The following TMTC1 variants were observed in gnomAD, a reference collection of about 807,000 sequenced individuals.
The protein encoded by TMTC1 is transmembrane O-mannosyltransferase targeting cadherins 1, also known as protein O-mannosyl-transferase TMTC1.
In TMTC1, 73 loss-of-function variants were observed where a neutral mutation model predicts 104.8. The observed-to-expected ratio is 0.70, with a 90% confidence interval of 0.58 to 0.85. TMTC1 has a LOEUF of 0.85. TMTC1 is among the 40% of genes least tolerant of loss of function. The pLI is 0.00. For missense variants in TMTC1, 1,035 were observed against 1,096.1 expected (o/e 0.94, Z 0.79); for synonymous variants, 434 against 428.7 (o/e 1.01, Z -0.15).
At chr12:29,509,693 T>C (rs1282823797) in intron 17 of TMTC1, among the ~76,000 whole-genome samples, 2 of 152,276 alleles carry the variant, frequency 1.3e-5, no homozygotes, top group Non-Finnish European at 2.9e-5. Context: ...TTGACCACTT[T>C]AAAACTGCAA....
intron 5 of TMTC1, among the ~76,000 whole-genome samples, chr12:29,642,131 GGAA>G (rs1454861337): frequency 6.6e-6 from 1 of 152,110 alleles, no homozygotes. Flanking sequence ...GTGTTCCTGA[GGAA>G]GAAGAGGATT....
chr12:29,540,210 C>T (rs750430647), intron 10 of TMTC1, among the ~76,000 whole-genome samples: 3 of 152,158 alleles, frequency 2.0e-5, no homozygotes, highest in South Asian at 4.1e-4. Flanking sequence ...GTCCATCTAA[C>T]AGTGAATGTG....
intron 7 of TMTC1, among the ~76,000 whole-genome samples, chr12:29,596,397 C>G (rs1050367072): frequency 5.9e-5 from 9 of 152,206 alleles, no homozygotes; most frequent in African/African-American, 2.2e-4. Flanking sequence ...TCTTTGTCTT[C>G]AGATCACATG....
intron 9 of TMTC1, among the ~76,000 whole-genome samples, chr12:29,559,292 G>A (rs992997251): frequency 1.3e-5 from 2 of 152,156 alleles, no homozygotes; most frequent in African/African-American, 4.8e-5. Flanking sequence ...ACCCATGTAA[G>A]GTGCCTGTTT....
intron 6 of TMTC1, among the ~76,000 whole-genome samples, chr12:29,604,717 C>A (rs544793586): frequency 2.6e-5 from 4 of 152,242 alleles, no homozygotes; most frequent in Non-Finnish European, 5.9e-5. Flanking sequence ...TATATCTTCC[C>A]AAAATATAAT....
chr12:29,720,163 G>A (rs779771308), intron 5 of TMTC1, among the ~76,000 whole-genome samples: 1 of 152,164 alleles, frequency 6.6e-6, no homozygotes, highest in African/African-American at 2.4e-5. Context: ...TTCATGTGTC[G>A]TGCTAGGAAA....
intron 6 of TMTC1, among the ~76,000 whole-genome samples, chr12:29,622,399 C>CTAATA (rs1319337775): frequency 5.3e-5 from 8 of 152,152 alleles, no homozygotes; most frequent in Non-Finnish European, 8.8e-5. Context: ...ATAGGACTGA[C>CTAATA]TAATAGTATT....
intron 9 of TMTC1, among the ~76,000 whole-genome samples, chr12:29,566,675 G>A (rs1484188624): frequency 6.6e-6 from 1 of 152,170 alleles, no homozygotes; most frequent in Non-Finnish European, 1.5e-5. Context: ...GAGGGAGGTG[G>A]TCAGATTCTG....
At chr12:29,573,775 G>C (rs1047120706) in intron 8 of TMTC1, among the ~76,000 whole-genome samples, 8 of 152,110 alleles carry the variant, frequency 5.3e-5, no homozygotes, top group African/African-American at 1.9e-4. Flanking sequence ...ATCATGCTAA[G>C]TCTTAGCGTG....
At chr12:29,621,963 C>T (rs1937696810) in intron 6 of TMTC1, among the ~76,000 whole-genome samples, 1 of 152,070 alleles carries the variant, frequency 6.6e-6, no homozygotes, top group Non-Finnish European at 1.5e-5. Flanking sequence ...GAAAATTTGG[C>T]TTGTTTTCTG....
chr12:29,740,822 A>T (rs997426173), intron 5 of TMTC1, among the ~76,000 whole-genome samples: 1 of 152,188 alleles, frequency 6.6e-6, no homozygotes, highest in Non-Finnish European at 1.5e-5. Context: ...TAATTTTTTT[A>T]AAAGCGACAG....
At chr12:29,765,361 C>T (rs955213536) in intron 2 of TMTC1, among the ~76,000 whole-genome samples, 2 of 152,120 alleles carry the variant, frequency 1.3e-5, no homozygotes, top group Admixed American at 1.3e-4. Flanking sequence ...TGAAGCTCAT[C>T]ATCTTCCATT....
At chr12:29,755,032 C>T (rs1473572027) in intron 4 of TMTC1, among the ~76,000 whole-genome samples, 1 of 152,074 alleles carries the variant, frequency 6.6e-6, no homozygotes, top group Non-Finnish European at 1.5e-5. Context: ...TGTAAAATTA[C>T]TGGTAATTAT....
At chr12:29,596,937 C>A (rs1321139664) in intron 7 of TMTC1, among the ~76,000 whole-genome samples, 1 of 152,232 alleles carries the variant, frequency 6.6e-6, no homozygotes, top group Non-Finnish European at 1.5e-5. Context: ...GCACCACTCA[C>A]CCTCTGGGAC....
intron 5 of TMTC1, among the ~76,000 whole-genome samples, chr12:29,642,691 C>T (rs1374766040): frequency 2.6e-5 from 4 of 151,860 alleles, no homozygotes; most frequent in African/African-American, 9.7e-5. Context: ...TTTGGGAGGC[C>T]GAGGTGGGTG....
chr12:29,578,367 C>T (rs1310133594), intron 8 of TMTC1, among the ~76,000 whole-genome samples: 1 of 152,148 alleles, frequency 6.6e-6, no homozygotes, highest in African/African-American at 2.4e-5. Flanking sequence ...AAAGGCAACA[C>T]TTTCCCTGGA....
chr12:29,511,815 C>A lies in TMTC1; in HGVS notation c.2508+228G>T, dbSNP rs543036841. 5.9e-5 allele frequency among the ~76,000 whole-genome samples: 9 copies of A among 152,236 alleles called. 1 individual carries two copies. The South Asian group carries it at 1.9e-3, about 32-fold the overall frequency. On this transcript the variant is annotated intron_variant, in intron 17 of 17. Coordinates refer to ENST00000539277, the MANE Select transcript of TMTC1 (RefSeq NM_001193451.2). ...TTCATGGTTAGAAAAATCATAAAAT[C>A]TAATTTATACAGATTTATTTTTAAA...
At chr12:29,538,622 T>G (rs545663675) in intron 10 of TMTC1, among the ~76,000 whole-genome samples, 1 of 152,296 alleles carries the variant, frequency 6.6e-6, no homozygotes, top group East Asian at 1.9e-4. Flanking sequence ...AACTTAGACC[T>G]TTTACATGTG....
chr12:29,687,949 T>C (rs1383892466), intron 5 of TMTC1, among the ~76,000 whole-genome samples: 1 of 152,158 alleles, frequency 6.6e-6, no homozygotes, highest in Non-Finnish European at 1.5e-5. Flanking sequence ...AGGGCCTGTC[T>C]CCAAATATAG....
Sources: gnomAD v4.1 joint callset for allele counts (sites outside exome capture counted in the v4.1 genomes callset) on GRCh38, gnomAD v4.1.1 for gene constraint, MANE v1.5 for transcripts, NCBI Gene and HGNC (gene_info 2026-07-23, HGNC 2026-07-21) for gene names.